The following DCT variants were observed in gnomAD, a reference collection of about 807,000 sequenced individuals.
DCT encodes the protein L-dopachrome tautomerase.
In DCT, 47 loss-of-function variants were observed where a neutral mutation model predicts 53.0. The observed-to-expected ratio is 0.89, with a 90% confidence interval of 0.70 to 1.13. DCT has a LOEUF of 1.13. Among genes scored for constraint, DCT ranks in the 50% most tolerant of loss-of-function variants. The pLI is 0.00. For missense variants in DCT, 669 were observed against 637.4 expected, an observed-to-expected ratio of 1.05 and a Z score of -0.53; for synonymous variants, 244 against 237.0, an observed-to-expected ratio of 1.03 and a Z score of -0.27.
intron 4 of DCT, 37 bp downstream of exon 4, chr13:94,465,596 A>G: frequency 6.2e-7 from 1 of 1,601,464 alleles, no homozygotes. Flanking sequence ...CAGAAAAGAC[A>G]ATCTCTGGAT....
intron 4 of DCT, among the ~76,000 whole-genome samples, chr13:94,464,782 G>A (rs907618021): frequency 6.6e-6 from 1 of 152,100 alleles, no homozygotes; most frequent in Non-Finnish European, 1.5e-5. Flanking sequence ...ACAAATTCAA[G>A]GAGCCTTTGA....
the DCT span, among the ~76,000 whole-genome samples, chr13:94,524,711 G>A: frequency 6.6e-6 from 1 of 151,962 alleles, no homozygotes; most frequent in African/African-American, 2.4e-5. Flanking sequence ...AACCCTAGTA[G>A]GGTTTTGTTG....
chr13:94,515,559 T>G, the DCT span, among the ~76,000 whole-genome samples: 1 of 152,216 alleles, frequency 6.6e-6, no homozygotes, highest in Non-Finnish European at 1.5e-5. Flanking sequence ...CAAGCTGCTA[T>G]GTGTATTCCA....
intron 1 of DCT, among the ~76,000 whole-genome samples, chr13:94,478,156 C>T (rs375737384): frequency 7.2e-5 from 9 of 125,740 alleles, no homozygotes; most frequent in East Asian, 2.9e-4. Flanking sequence ...ACCCCCCGCC[C>T]GCCCCCCCCA....
rs147518551 is a variant in DCT, at chr13:94,443,868, T to C, written c.1180-231A>G. On this transcript the variant is annotated intron_variant, in intron 6 of 7. Transcript: ENST00000377028. ...TTTCGGGAAGAAAAACAGTTAAGTTTTCAACGATGTATGAATCTCTCTCTC... is the reference window on the plus strand; with the variant it reads ...TTTCGGGAAGAAAAACAGTTAAGTTCTCAACGATGTATGAATCTCTCTCTC... Among the ~76,000 whole-genome samples, 954 of 152,258 alleles carry C rather than the reference T, an allele frequency of 6.3e-3. 8 individuals carry two copies. Among genetic ancestry groups the C allele is most frequent in the Middle Eastern group, 0.031 (9 of 294 alleles).
intron 1 of DCT, among the ~76,000 whole-genome samples, chr13:94,476,538 C>T (rs368468285): frequency 4.1e-4 from 61 of 147,842 alleles, no homozygotes; most frequent in Middle Eastern, 3.5e-3. Flanking sequence ...TGCAGTGGCG[C>T]GATTTCAGCT....
chr13:94,479,437 T>C lies in DCT; in HGVS notation c.-182A>G, dbSNP rs1290636919. ...CACAGAGGTTACATGTGTGCACATG[T>C]GTACATGAACGTGCACACACAATTT... is the stretch of plus-strand genomic sequence containing the variant. On this transcript the variant is annotated 5_prime_UTR_variant, in exon 1 of 8. Coordinates refer to ENST00000377028, the MANE Select transcript of DCT (RefSeq NM_001922.5). 5.1e-6 allele frequency: 3 copies of C among 592,944 alleles called. No individual in the cohort carries two copies. The highest frequency in any genetic ancestry group is 2.9e-5 in the East Asian group (1 of 34,682). 36.7% of individuals were successfully genotyped at this position (592,944 alleles called of 1,614,324 possible). A position where few individuals can be genotyped will look rare whatever the true frequency, so the allele number is the denominator to read the frequency against.
the DCT span, among the ~76,000 whole-genome samples, chr13:94,487,091 G>A: frequency 6.6e-6 from 1 of 152,172 alleles, no homozygotes; most frequent in African/African-American, 2.4e-5. Flanking sequence ...ATTAAACATT[G>A]CATTATTTGC....
chr13:94,443,440 C>T lies in DCT; in HGVS notation c.1377G>A (p.Leu459=). ...DQLGYSYAID[L]PVSVEETPGW... Reference sequence around the variant, plus strand: ...TTTGGAAGTTGTGTTAGTTACCTGGCAGATCGATGGCATAGCTGTAGCCAA... The same window carrying T: ...TTTGGAAGTTGTGTTAGTTACCTGGTAGATCGATGGCATAGCTGTAGCCAA... The change falls in exon 7 of 8, where the codon CTG becomes CTA. Residue 459 remains leucine, a synonymous_variant. Coordinates refer to ENST00000377028, the MANE Select transcript of DCT (RefSeq NM_001922.5). 2 of 1,610,928 alleles carry T rather than the reference C, an allele frequency of 1.2e-6. No individual in the cohort carries two copies. Among genetic ancestry groups the T allele is most frequent in the Non-Finnish European group, 8.5e-7 (1 of 1,177,126 alleles).
chr13:94,532,726 G>A, the DCT span, among the ~76,000 whole-genome samples: 8 of 152,140 alleles, frequency 5.3e-5, no homozygotes, highest in African/African-American at 1.9e-4. Context: ...CATGGCACAT[G>A]TGTACCTATG....
the DCT span, among the ~76,000 whole-genome samples, chr13:94,521,143 A>T: frequency 2.4e-3 from 361 of 152,298 alleles, 3 homozygotes; most frequent in African/African-American, 8.3e-3. Context: ...TTGGCAACTT[A>T]CTAGTTGTGT....
chr13:94,480,098 C>G (rs1350100439), upstream of DCT, among the ~76,000 whole-genome samples: 1 of 152,166 alleles, frequency 6.6e-6, no homozygotes, highest in Non-Finnish European at 1.5e-5. Context: ...AACCAGGGTA[C>G]AAGGAATTGC....
chr13:94,504,026 T>C, the DCT span, among the ~76,000 whole-genome samples: 1 of 152,206 alleles, frequency 6.6e-6, no homozygotes, highest in Non-Finnish European at 1.5e-5. Context: ...GGTGAACTCA[T>C]TTATCAAAGT....
At chr13:94,518,151 AAG>A in the DCT span, among the ~76,000 whole-genome samples, 2 of 141,680 alleles carry the variant, frequency 1.4e-5, no homozygotes, top group African/African-American at 5.4e-5. Flanking sequence ...GGAAGGAAGG[AAG>A]GAATGAAGGA....
the DCT span, among the ~76,000 whole-genome samples, chr13:94,504,175 A>C: frequency 1.3e-5 from 2 of 152,222 alleles, no homozygotes; most frequent in African/African-American, 4.8e-5. Flanking sequence ...TAATGTAATT[A>C]ATCTTCAGCT....
At chr13:94,491,015 GT>G in the DCT span, among the ~76,000 whole-genome samples, 10 of 152,320 alleles carry the variant, frequency 6.6e-5, no homozygotes, top group East Asian at 1.9e-3. Context: ...TAATGGAGGG[GT>G]GAGCAACCTT....
the DCT span, among the ~76,000 whole-genome samples, chr13:94,532,273 A>G: frequency 2.0e-5 from 3 of 152,206 alleles, no homozygotes; most frequent in Non-Finnish European, 2.9e-5. Flanking sequence ...TGACCCCGCC[A>G]TCCCATTACT....
intron 6 of DCT, among the ~76,000 whole-genome samples, chr13:94,457,230 G>A (rs958527503): frequency 1.1e-4 from 16 of 152,336 alleles, no homozygotes; most frequent in Non-Finnish European, 1.9e-4. Flanking sequence ...CCCAAAATCT[G>A]TGTGTTGAAG....
the DCT span, among the ~76,000 whole-genome samples, chr13:94,513,909 C>A: frequency 7.0e-6 from 1 of 143,866 alleles, no homozygotes; most frequent in Admixed American, 7.4e-5. Flanking sequence ...ATCACTTAAA[C>A]CCAGGAGGCA....
Sources: gnomAD v4.1 joint callset for allele counts (sites outside exome capture counted in the v4.1 genomes callset) on GRCh38, gnomAD v4.1.1 for gene constraint, MANE v1.5 for transcripts, NCBI Gene and HGNC (gene_info 2026-07-23, HGNC 2026-07-21) for gene names.